AK7: variants seen among roughly 807,000 people sequenced by gnomAD.
The protein encoded by AK7 is ATP-AMP transphosphorylase 7.
AK7 carries 78 observed loss-of-function variants against 96.6 expected under a neutral mutation model. The observed-to-expected ratio is 0.81, with a 90% CI of 0.67 to 0.97. AK7 has a LOEUF of 0.97. AK7 is among the 50% of genes least tolerant of loss of function. The probability of loss-of-function intolerance (pLI) is 0.00; values close to 1 mark genes in which losing one functional copy is unlikely to be tolerated. For synonymous variants in AK7, 302 were observed against 317.2 expected (o/e 0.95, Z 0.51); for missense variants, 855 against 887.9 (o/e 0.96, Z 0.47).
At chr14:96,432,929 G>A (rs1425788311) in intron 5 of AK7, among the ~76,000 whole-genome samples, 1 of 152,112 alleles carries the variant, frequency 6.6e-6, no homozygotes, top group African/African-American at 2.4e-5. Flanking sequence ...GGGAGGCGGA[G>A]CTTGCAGTGA....
At chr14:96,470,166 A>C (rs1894807484) in intron 12 of AK7, among the ~76,000 whole-genome samples, 1 of 152,052 alleles carries the variant, frequency 6.6e-6, no homozygotes, top group East Asian at 1.9e-4. Flanking sequence ...ATAGAGTAAT[A>C]AAAAAGAAGC....
chr14:96,407,311 A>T (rs1418171212), intron 3 of AK7, among the ~76,000 whole-genome samples: 1 of 152,216 alleles, frequency 6.6e-6, no homozygotes, highest in Non-Finnish European at 1.5e-5. Context: ...AATTTTTGTT[A>T]TTAGACTAAA....
intron 5 of AK7, among the ~76,000 whole-genome samples, chr14:96,427,555 C>T (rs778192354): frequency 3.3e-5 from 5 of 152,186 alleles, no homozygotes; most frequent in East Asian, 3.9e-4. Flanking sequence ...TACAATTCGA[C>T]GTGAGATTTG....
In AK7 at chr14:96,413,639, G is replaced by A. The variant is rs184348744; in HGVS notation, c.498+4698G>A. 8.5e-4 allele frequency among the ~76,000 whole-genome samples: 129 copies of A among 152,252 alleles called. 3 individuals are homozygous for A. The highest frequency in any genetic ancestry group is 5.9e-5 in the Non-Finnish European group (4 of 68,030). On this transcript the variant is annotated intron_variant, in intron 4 of 17. Coordinates refer to ENST00000267584, the MANE Select transcript of AK7 (RefSeq NM_152327.5). ...TTCCCTACACCCTGCCCACATCTTC[G>A]TAAACAGTCCTGTTATTAAACTCTC...
Position 96,482,302 on chromosome 14 carries a change from G to A in AK7, c.1754-697G>A, listed in dbSNP as rs573100482. Among the ~76,000 whole-genome samples the A allele has an allele frequency of 1.4e-4, 21 of 152,294 alleles. No individual in the cohort carries two copies. In the South Asian group the frequency reaches 3.3e-3, roughly 24 times the overall value. ...GGCACAGCAGTGACTATGAATGGGC[G>A]TGGGGTAAGCAGCTACCCAGAGGAA... On this transcript the variant is annotated intron_variant, in intron 15 of 17. Transcript: ENST00000267584.
At position 96,456,357 on chromosome 14, in the gene AK7, T is replaced by A; in HGVS notation, c.1109T>A (p.Ile370Asn). The change falls in exon 11 of 18, where the codon ATC becomes AAC. Residue 370 changes from isoleucine (I) to asparagine (N), a missense_variant. Transcript: ENST00000267584. ...TCTCTCCTCTTTCAGCCAATCAAGA[T>A]CTGCATTCTTGGTCCCCCTGCTGTG... ...KQSRGLMPIK[I>N]CILGPPAVGK... The A allele has an allele frequency of 6.2e-7, 1 of 1,609,420 alleles. No homozygotes were observed. The highest frequency in any genetic ancestry group is 2.2e-5 in the East Asian group (1 of 44,594).
At chr14:96,488,103 A>T in intron 17 of AK7, 1 of 438,426 alleles carries the variant, frequency 2.3e-6, no homozygotes, top group African/African-American at 2.0e-5. Flanking sequence ...AGTAGAGAGG[A>T]AGTTTCACCA....
intron 2 of AK7, among the ~76,000 whole-genome samples, chr14:96,403,114 T>TTAAATAAATAAATAAATAAA (rs59930782): frequency 5.4e-4 from 76 of 140,372 alleles, no homozygotes; most frequent in East Asian, 1.1e-3. Flanking sequence ...AGACTCTGTC[T>TTAAATAAATAAATAAATAAA]TAAATAAATA....
intron 6 of AK7, among the ~76,000 whole-genome samples, chr14:96,441,809 C>T (rs1892975604): frequency 6.6e-6 from 1 of 151,942 alleles, no homozygotes; most frequent in African/African-American, 2.4e-5. Context: ...TTACTACAGT[C>T]AGCCTCCTCA....
rs1476945619 is a variant in AK7 at position 96,456,373 on chromosome 14, C to T, written c.1125C>T (p.Pro375=). The T allele has an allele frequency of 1.2e-6, 2 of 1,613,732 alleles. No homozygotes were observed. Among genetic ancestry groups the T allele is most frequent in the Admixed American group, 1.7e-5 (1 of 60,000 alleles). The change falls in exon 11 of 18, where the codon CCC becomes CCT. Residue 375 remains proline, a synonymous_variant. Transcript: ENST00000267584. ...CAATCAAGATCTGCATTCTTGGTCC[C>T]CCTGCTGTGGGAAAATCCAGTATTG... The part of the protein sequence containing the change: ...LMPIKICILG[P]PAVGKSSIAK...
At chr14:96,449,933 G>A (rs531210873) in intron 9 of AK7, 54 bp downstream of exon 9, 355 of 1,318,884 alleles carry the variant, frequency 2.7e-4, no homozygotes, top group Non-Finnish European at 3.6e-4. Flanking sequence ...ATAATATGGA[G>A]TATTGTTATT....
rs757608679 is a variant in AK7 at position 96,408,920 on chromosome 14, G to A, written c.477G>A (p.Ala159=). Residue 159 remains alanine (A), a synonymous_variant, in exon 4 of 18, where the codon GCG becomes GCA. Coordinates refer to ENST00000267584, the MANE Select transcript of AK7 (RefSeq NM_152327.5). The part of the protein sequence containing the change: ...FILLSTVMTW[A]RSKALDPEDS... ...TACTGTCGACGGTGATGACTTGGGC[G>A]CGCTCCAAAGCCCTGGACCCCGTAA... 15 of 1,614,046 alleles carry A rather than the reference G, an allele frequency of 9.3e-6. No individual in the cohort carries two copies. Among genetic ancestry groups the A allele is most frequent in the South Asian group, 3.3e-5 (3 of 91,084 alleles).
chr14:96,482,564 T>C (rs1308928702), intron 15 of AK7, among the ~76,000 whole-genome samples: 5 of 152,208 alleles, frequency 3.3e-5, no homozygotes, highest in African/African-American at 1.2e-4. Context: ...AAATGGTTAT[T>C]TTTTTATGAA....
intron 10 of AK7, 149 bp from the exon 11 acceptor site, chr14:96,456,198 C>T (rs1481040537): frequency 1.5e-5 from 12 of 822,258 alleles, no homozygotes; most frequent in Admixed American, 3.1e-5. Flanking sequence ...GATCATGCCA[C>T]TGCACTACAG....
chr14:96,455,023 T>C (rs1328841804), intron 10 of AK7, among the ~76,000 whole-genome samples: 2 of 151,774 alleles, frequency 1.3e-5, no homozygotes, highest in Non-Finnish European at 2.9e-5. Flanking sequence ...AAAAATTAGC[T>C]GGGTGTGGTG....
intron 3 of AK7, among the ~76,000 whole-genome samples, chr14:96,405,940 G>A (rs1890685523): frequency 3.3e-5 from 5 of 152,092 alleles, no homozygotes; most frequent in Admixed American, 3.3e-4. Context: ...ATCTTGCTCT[G>A]TCATCTTGCT....
rs184893126 is a variant in AK7 at position 96,394,033 on chromosome 14, C to G, written c.105+1774C>G. On this transcript the variant is annotated intron_variant, in intron 1 of 17. Coordinates refer to ENST00000267584, the MANE Select transcript of AK7 (RefSeq NM_152327.5). The stretch of plus-strand genomic sequence containing the variant: ...CTGAGGCAGGAAAATCACTTGAACC[C>G]AGGGGGCGGAGGTTGCAGTGAGCCG... 3.9e-4 allele frequency among the ~76,000 whole-genome samples: 59 copies of G among 151,828 alleles called. 1 individual carries two copies. The highest frequency in any genetic ancestry group is 1.4e-3 in the African/African-American group (58 of 41,370).
chr14:96,476,973 T>C (rs1156476555), intron 14 of AK7, among the ~76,000 whole-genome samples: 1 of 152,218 alleles, frequency 6.6e-6, no homozygotes, highest in Non-Finnish European at 1.5e-5. Context: ...TCATAGAGCT[T>C]AAATGGATTC....
At chr14:96,477,121 A>C (rs1250701921) in intron 14 of AK7, among the ~76,000 whole-genome samples, 1 of 152,342 alleles carries the variant, frequency 6.6e-6, no homozygotes, top group African/African-American at 2.4e-5. Flanking sequence ...ATGAGCAAAA[A>C]ATAGGAACAA....
Sources: gnomAD v4.1 joint callset for allele counts (sites outside exome capture counted in the v4.1 genomes callset) on GRCh38, gnomAD v4.1.1 for gene constraint, MANE v1.5 for transcripts, NCBI Gene and HGNC (gene_info 2026-07-23, HGNC 2026-07-21) for gene names.